SNRPC: variants seen among roughly 807,000 people sequenced by gnomAD.
The protein encoded by SNRPC is small nuclear ribonucleoprotein polypeptide C.
SNRPC carries 5 observed loss-of-function variants against 20.0 expected under a neutral mutation model. That is an observed-to-expected ratio of 0.25 (90% CI 0.13 to 0.53). The LOEUF (loss-of-function observed/expected upper bound fraction) is 0.53. Ranked by LOEUF, SNRPC falls within the 20% of genes least tolerant of loss-of-function variation. The probability of loss-of-function intolerance (pLI) is 0.96; values close to 1 mark genes in which losing one functional copy is unlikely to be tolerated. For missense variants in SNRPC, 112 were observed against 224.1 expected, an observed-to-expected ratio of 0.50 and a Z score of 3.19; for synonymous variants, 61 against 58.7, an observed-to-expected ratio of 1.04 and a Z score of -0.18.
chr6:34,766,427 G>C (rs1764614877), intron 3 of SNRPC, among the ~76,000 whole-genome samples: 1 of 152,096 alleles, frequency 6.6e-6, no homozygotes. Context: ...TTTAACTCTG[G>C]AGCTCAAGAG....
chr6:34,772,056 A>G (rs765051146), intron 5 of SNRPC, among the ~76,000 whole-genome samples: 27 of 152,192 alleles, frequency 1.8e-4, no homozygotes, highest in Non-Finnish European at 3.5e-4. Flanking sequence ...AAACCAGGAT[A>G]AAATGATAAG....
intron 3 of SNRPC, among the ~76,000 whole-genome samples, chr6:34,766,998 CTT>C (rs1341565637): frequency 1.3e-5 from 2 of 151,934 alleles, no homozygotes; most frequent in African/African-American, 4.8e-5. Flanking sequence ...TTCAGTTTCT[CTT>C]GTTTTCTCTT....
At chr6:34,770,705 CCT>C (rs1189275337) in intron 5 of SNRPC, among the ~76,000 whole-genome samples, 1 of 152,210 alleles carries the variant, frequency 6.6e-6, no homozygotes, top group Non-Finnish European at 1.5e-5. Context: ...TTTTTCTTTT[CCT>C]CTCTTCTGTT....
In SNRPC at chr6:34,773,316, C is replaced by T; in HGVS notation, c.356-130C>T. 4.3e-6 allele frequency: 3 copies of T among 698,026 alleles called. No homozygotes were observed. Among genetic ancestry groups the T allele is most frequent in the African/African-American group, 1.8e-5 (1 of 55,800 alleles). 43.2% of individuals were successfully genotyped at this position (698,026 alleles called of 1,614,324 possible). ...TAAATTTGTTGCATTTCTTCTGTCACGTGTGTCTTTTTTCCAGCATTTTGC... is the reference window on the plus strand; with the variant it reads ...TAAATTTGTTGCATTTCTTCTGTCATGTGTGTCTTTTTTCCAGCATTTTGC... On this transcript the variant is annotated intron_variant, in intron 5 of 5. Transcript: ENST00000244520. The surrounding 1 kb of genome is among the most constrained non-coding windows in gnomAD (Gnocchi z 4.1).
chr6:34,757,917 A>G lies in SNRPC; in HGVS notation c.14A>G (p.Tyr5Cys). ...TTCCTTTCACCTCTTTTCAGGTTTTATTGTGACTACTGCGATACATACCTC... is the reference window on the plus strand; with the variant it reads ...TTCCTTTCACCTCTTTTCAGGTTTTGTTGTGACTACTGCGATACATACCTC... Reference protein sequence around the residue: MPKFYCDYCDTYLTH... With the variant: MPKFCCDYCDTYLTH... The change falls in exon 2 of 6, where the codon TAT (tyrosine) becomes TGT (cysteine). Residue 5 changes from tyrosine to cysteine, a missense_variant. Around this residue, in one of 3 missense-constraint regions of SNRPC, gnomAD observed 10 missense variants for 54.5 expected, o/e 0.18. Transcript: ENST00000244520. 2 of 1,613,324 alleles carry G rather than the reference A, an allele frequency of 1.2e-6. No homozygotes were observed. Among genetic ancestry groups the G allele is most frequent in the South Asian group, 2.2e-5 (2 of 91,052 alleles).
Position 34,767,990 on chromosome 6 carries a change from C to G in SNRPC, c.243C>G (p.Pro81=), listed in dbSNP as rs746258224. The change falls in exon 4 of 6, where the codon CCC becomes CCG. Residue 81 remains proline, a synonymous_variant. Coordinates refer to ENST00000244520, the MANE Select transcript of SNRPC (RefSeq NM_003093.3). Reference sequence around the variant, plus strand: ...CAGGGGCGATGATACCACCTCCCCCCAGCCTTCGTAAGTTTAAACTTTTAA... The same window carrying G: ...CAGGGGCGATGATACCACCTCCCCCGAGCCTTCGTAAGTTTAAACTTTTAA... The part of the protein sequence containing the change: ...PPAGAMIPPP[P]SLPGPPRPGM... 6 of 1,612,134 alleles carry G rather than the reference C, an allele frequency of 3.7e-6. No homozygotes were observed. Among genetic ancestry groups the G allele is most frequent in the Non-Finnish European group, 3.4e-6 (4 of 1,179,392 alleles).
chr6:34,766,093 A>T, intron 3 of SNRPC, among the ~76,000 whole-genome samples: 1 of 152,112 alleles, frequency 6.6e-6, no homozygotes, highest in Non-Finnish European at 1.5e-5. Context: ...TTGTCTCCTT[A>T]TTTGAAAAGA....
chr6:34,771,305 G>C (rs1343436252), intron 5 of SNRPC, among the ~76,000 whole-genome samples: 2 of 149,532 alleles, frequency 1.3e-5, no homozygotes, highest in Non-Finnish European at 3.0e-5. Context: ...CTCCAGCCTG[G>C]GTGACAGAGT....
intron 2 of SNRPC, among the ~76,000 whole-genome samples, chr6:34,760,381 G>A (rs1043695595): frequency 4.6e-5 from 7 of 151,934 alleles, no homozygotes; most frequent in African/African-American, 1.2e-4. Context: ...GCCAAGTTCT[G>A]TGTATTATCA....
At chr6:34,772,368 C>G (rs1245745417) in intron 5 of SNRPC, among the ~76,000 whole-genome samples, 2 of 152,156 alleles carry the variant, frequency 1.3e-5, no homozygotes, top group East Asian at 3.8e-4. Flanking sequence ...AGTCTTTGGT[C>G]TATGTCCATC....
intron 3 of SNRPC, among the ~76,000 whole-genome samples, chr6:34,764,849 G>A (rs867438680): frequency 5.1e-4 from 77 of 151,176 alleles, no homozygotes; most frequent in African/African-American, 1.5e-3. Flanking sequence ...TCGAGAAACC[G>A]TGTCTCTAGT....
chr6:34,764,433 G>A (rs537139645), intron 3 of SNRPC, among the ~76,000 whole-genome samples: 233 of 151,616 alleles, frequency 1.5e-3, no homozygotes, highest in Middle Eastern at 0.014. Flanking sequence ...CCGAGATCGC[G>A]CCATTGCATT....
chr6:34,770,133 A>G (rs1054213604), intron 4 of SNRPC, among the ~76,000 whole-genome samples, 158 bp from the exon 5 acceptor site: 1 of 152,192 alleles, frequency 6.6e-6, no homozygotes, highest in African/African-American at 2.4e-5. Context: ...GAGGCAGGAG[A>G]ATTGCTTGAA....
chr6:34,765,189 C>T (rs1206701459), intron 3 of SNRPC, among the ~76,000 whole-genome samples: 1 of 152,168 alleles, frequency 6.6e-6, no homozygotes, highest in Non-Finnish European at 1.5e-5. Flanking sequence ...TCTTTCTGTG[C>T]ATTTCAGGAT....
chr6:34,768,096 T>C, intron 4 of SNRPC, 99 bp downstream of exon 4: 1 of 922,868 alleles, frequency 1.1e-6, no homozygotes. Flanking sequence ...CTGTTGCATT[T>C]GTATGTAGAT....
chr6:34,759,272 T>A (rs1247194685), intron 2 of SNRPC, among the ~76,000 whole-genome samples: 1 of 152,136 alleles, frequency 6.6e-6, no homozygotes, highest in African/African-American at 2.4e-5. Context: ...TCTCAGTCAC[T>A]CTCAAATAAA....
chr6:34,767,465 A>G (rs1764628158), intron 3 of SNRPC, among the ~76,000 whole-genome samples: 1 of 152,220 alleles, frequency 6.6e-6, no homozygotes, highest in Non-Finnish European at 1.5e-5. Context: ...TATAAAAAAT[A>G]AAAAGTTAGC....
chr6:34,768,585 CT>C (rs1284232681), intron 4 of SNRPC, among the ~76,000 whole-genome samples: 2 of 151,880 alleles, frequency 1.3e-5, no homozygotes, highest in Non-Finnish European at 2.9e-5. Flanking sequence ...AACCCCATCC[CT>C]ACTAAAAATA....
chr6:34,761,380 C>T (rs1037447026), intron 2 of SNRPC, among the ~76,000 whole-genome samples: 4 of 151,970 alleles, frequency 2.6e-5, no homozygotes, highest in Admixed American at 6.6e-5. Flanking sequence ...TCAGGTGATC[C>T]GCACACTTTG....
Sources: gnomAD v4.1 joint callset for allele counts (sites outside exome capture counted in the v4.1 genomes callset) on GRCh38, gnomAD v4.1.1 for gene constraint, gnomAD v4.1.1 regional missense constraint, Gnocchi (gnomAD v3.1) non-coding constraint, MANE v1.5 for transcripts, NCBI Gene and HGNC (gene_info 2026-07-23, HGNC 2026-07-21) for gene names.